The following RANBP17 variants were observed in gnomAD, a reference collection of about 807,000 sequenced individuals.
RANBP17 encodes the protein RAN binding protein 17, also known as ran-binding protein 17.
In RANBP17, 158 loss-of-function variants were observed where a neutral mutation model predicts 141.2. That is an observed-to-expected ratio of 1.12 (90% CI 0.98 to 1.28). RANBP17 has a LOEUF of 1.28. RANBP17 is among the 50% of genes most tolerant of loss of function. The pLI, the probability that RANBP17 is intolerant of heterozygous loss-of-function variation, is 0.00. For synonymous variants in RANBP17, 430 were observed against 450.0 expected (o/e 0.96, Z 0.56); for missense variants, 1,438 against 1,290.7 (o/e 1.11, Z -1.75).
chr5:171,077,081 T>A (rs775193965), intron 14 of RANBP17, among the ~76,000 whole-genome samples: 37 of 152,160 alleles, frequency 2.4e-4, no homozygotes, highest in Non-Finnish European at 4.9e-4. Flanking sequence ...GACTCACCCC[T>A]GTAATCCCAG....
chr5:171,291,749 A>G (rs1768512185), intron 25 of RANBP17, among the ~76,000 whole-genome samples: 1 of 152,170 alleles, frequency 6.6e-6, no homozygotes. Context: ...ATAATTCTGG[A>G]TATGGGTTGC....
rs367914750 is a variant in RANBP17 at position 170,955,818 on chromosome 5, G to GTATA, written c.1574+2132_1574+2135dup. Reference sequence around the variant, plus strand: ...AATTGAGGAACAACCTAAAATTCCTGTATATATATATATATATATCTCAGA... The same window carrying GTATA: ...AATTGAGGAACAACCTAAAATTCCTGTATATATATATATATATATATATCTCAGA... On this transcript the variant is annotated intron_variant, in intron 13 of 27. Transcript: ENST00000523189. Among the ~76,000 whole-genome samples, 421 of 141,660 alleles carry GTATA rather than the reference G, an allele frequency of 3.0e-3. 1 individual carries two copies. Among genetic ancestry groups the GTATA allele is most frequent in the African/African-American group, 9.2e-3 (359 of 39,136 alleles). 92.9% of individuals were successfully genotyped at this position (141,660 alleles called of 152,430 possible).
chr5:170,893,983 G>A (rs1024083155), intron 4 of RANBP17, among the ~76,000 whole-genome samples: 1 of 152,108 alleles, frequency 6.6e-6, no homozygotes, highest in Non-Finnish European at 1.5e-5. Flanking sequence ...ATATAGTGCA[G>A]TGCTGGAAAC....
At chr5:171,062,993 C>G (rs1181747563) in intron 14 of RANBP17, among the ~76,000 whole-genome samples, 1 of 152,064 alleles carries the variant, frequency 6.6e-6, no homozygotes, top group Non-Finnish European at 1.5e-5. Context: ...GTTCTCGAGC[C>G]TTGGCTTTCA....
At chr5:171,140,363 G>C (rs372709170) in intron 14 of RANBP17, among the ~76,000 whole-genome samples, 2 of 152,138 alleles carry the variant, frequency 1.3e-5, no homozygotes, top group Non-Finnish European at 1.5e-5. Context: ...TATTTATCAA[G>C]CTCACATTAA....
At chr5:171,276,758 A>T (rs1027849554) in intron 25 of RANBP17, among the ~76,000 whole-genome samples, 4 of 152,238 alleles carry the variant, frequency 2.6e-5, no homozygotes, top group Non-Finnish European at 4.4e-5. Flanking sequence ...AAGGACAGCT[A>T]CACAGGGTTA....
chr5:171,022,198 G>T (rs533878261), intron 14 of RANBP17, among the ~76,000 whole-genome samples: 1 of 152,114 alleles, frequency 6.6e-6, no homozygotes, highest in Non-Finnish European at 1.5e-5. Context: ...ACTTTGAGGG[G>T]CGCCAACCTG....
intron 14 of RANBP17, among the ~76,000 whole-genome samples, chr5:171,045,631 G>C (rs908116597): frequency 3.9e-5 from 6 of 152,132 alleles, no homozygotes; most frequent in African/African-American, 1.4e-4. Context: ...CCAAGTTTAG[G>C]CTTTCTAGGG....
intron 14 of RANBP17, among the ~76,000 whole-genome samples, chr5:171,030,003 T>C (rs1405676739): frequency 6.6e-6 from 1 of 152,120 alleles, no homozygotes; most frequent in Non-Finnish European, 1.5e-5. Flanking sequence ...ATAGCAGATA[T>C]GAATAAATTG....
chr5:171,297,871 T>G (rs1010588668), intron 27 of RANBP17, among the ~76,000 whole-genome samples: 6 of 144,504 alleles, frequency 4.2e-5, no homozygotes, highest in Non-Finnish European at 7.6e-5. Flanking sequence ...TTTTTTTTTT[T>G]TTGAGACAGA....
intron 16 of RANBP17, among the ~76,000 whole-genome samples, chr5:171,171,782 A>G (rs1367676601): frequency 1.3e-5 from 2 of 151,994 alleles, no homozygotes; most frequent in African/African-American, 4.8e-5. Context: ...AGTAATACAA[A>G]GAAAATAAGT....
chr5:171,022,554 G>GA (rs1174226699), intron 14 of RANBP17, among the ~76,000 whole-genome samples: 1 of 152,234 alleles, frequency 6.6e-6, no homozygotes, highest in African/African-American at 2.4e-5. Flanking sequence ...AGTCAAGCCT[G>GA]AAAAGGCACT....
intron 14 of RANBP17, among the ~76,000 whole-genome samples, chr5:171,080,295 CCTA>C (rs1437057470): frequency 1.3e-5 from 2 of 151,616 alleles, no homozygotes; most frequent in Non-Finnish European, 2.9e-5. Flanking sequence ...TCCAGCATGG[CCTA>C]CTGATTTTAA....
intron 3 of RANBP17, among the ~76,000 whole-genome samples, chr5:170,889,913 A>G (rs1217748295): frequency 6.6e-6 from 1 of 152,202 alleles, no homozygotes. Context: ...ACATTCTTAT[A>G]GTTTGTGTAA....
chr5:171,215,264 C>G (rs182153504), intron 21 of RANBP17, among the ~76,000 whole-genome samples: 5 of 152,174 alleles, frequency 3.3e-5, no homozygotes, highest in Admixed American at 3.3e-4. Flanking sequence ...CATAGTGTTC[C>G]GTGGTGTATA....
At chr5:171,160,914 T>TC (rs958461654) in intron 14 of RANBP17, among the ~76,000 whole-genome samples, 3 of 152,090 alleles carry the variant, frequency 2.0e-5, no homozygotes, top group African/African-American at 7.2e-5. Flanking sequence ...TGCCTCAGCC[T>TC]CCCAAGTTGC....
At chr5:171,121,595 T>C (rs1756036599) in intron 14 of RANBP17, among the ~76,000 whole-genome samples, 1 of 152,134 alleles carries the variant, frequency 6.6e-6, no homozygotes, top group South Asian at 2.1e-4. Context: ...CAGCAGTTTG[T>C]TAGGCTGAAG....
At chr5:171,071,380 A>G (rs996602523) in intron 14 of RANBP17, among the ~76,000 whole-genome samples, 4 of 152,070 alleles carry the variant, frequency 2.6e-5, no homozygotes, top group African/African-American at 9.7e-5. Context: ...TGGAAAGGCA[A>G]GTGAACTAGA....
Position 171,110,232 on chromosome 5 carries a change from G to A in RANBP17, c.1711-59898G>A, listed in dbSNP as rs566168757. 2.0e-4 allele frequency among the ~76,000 whole-genome samples: 30 copies of A among 151,956 alleles called. No homozygotes were observed. The South Asian group carries it at 4.6e-3, about 23-fold the overall frequency. On this transcript the variant is annotated intron_variant, in intron 14 of 27. Coordinates refer to ENST00000523189, the MANE Select transcript of RANBP17 (RefSeq NM_022897.5). ...CAAATATTTATACTCTTAGGCTTCGGTTTCCTCATTTGTAGAATGGGTACA... is the reference window on the plus strand; with the variant it reads ...CAAATATTTATACTCTTAGGCTTCGATTTCCTCATTTGTAGAATGGGTACA...
Sources: gnomAD v4.1 joint callset for allele counts (sites outside exome capture counted in the v4.1 genomes callset) on GRCh38, gnomAD v4.1.1 for gene constraint, MANE v1.5 for transcripts, NCBI Gene and HGNC (gene_info 2026-07-23, HGNC 2026-07-21) for gene names.